The following AXIN2 variants were observed in gnomAD, a reference collection of about 807,000 sequenced individuals.
The protein encoded by AXIN2 is axin-2.
AXIN2 carries 21 observed loss-of-function variants against 74.7 expected under a neutral mutation model. The ratio of observed to expected loss-of-function variants is 0.28; its 90% confidence interval spans 0.20 to 0.40. The LOEUF is 0.40. Ranked by LOEUF, AXIN2 falls within the 10% of genes least tolerant of loss-of-function variation. The pLI, the probability that AXIN2 is intolerant of heterozygous loss-of-function variation, is 1.00. For synonymous variants in AXIN2, 532 were observed against 454.9 expected (o/e 1.17, Z -2.16); for missense variants, 1,144 against 1,111.1 (o/e 1.03, Z -0.42).
At position 65,537,376 on chromosome 17, in the gene AXIN2, TC is replaced by T. The variant is rs2144456730; in HGVS notation, c.1659del (p.Lys554AsnfsTer135). The T allele has an allele frequency of 6.2e-7, 1 of 1,614,052 alleles. No individual in the cohort carries two copies. The highest frequency in any genetic ancestry group is 8.5e-7 in the Non-Finnish European group (1 of 1,180,030). On this transcript the variant is annotated frameshift_variant, in exon 6 of 11. Transcript: ENST00000307078. LOFTEE classifies it high-confidence loss of function. The part of the protein sequence containing the change: ...CPGGSEYYCY[S>X]KCKSHSKAPE... ...GGAGCCTTGGAGTGGCTTTTGCATT[TC>T]GAGTAGCAGTAATACTCGCTGCCCC...
Position 65,536,210 on chromosome 17 carries a change from G to T in AXIN2, c.2141+110C>A, listed in dbSNP as rs1017723094. ...TCCATAAGTAATTCTTCTTCTCATG[G>T]GAGGGTTTGAGACCCAGGCAGAAAG... On this transcript the variant is annotated intron_variant, in intron 8 of 10. Coordinates refer to ENST00000307078, the MANE Select transcript of AXIN2 (RefSeq NM_004655.4). 3.6e-6 allele frequency: 4 copies of T among 1,102,912 alleles called. No homozygotes were observed. The African/African-American group carries it at 4.7e-5, about 13-fold the overall frequency. The allele number at this position is 1,102,912 out of a possible 1,614,324, so 68.3% of individuals were successfully genotyped here.
intron 4 of AXIN2, among the ~76,000 whole-genome samples, chr17:65,540,604 A>G (rs1421414221): frequency 4.6e-5 from 7 of 152,166 alleles, no homozygotes; most frequent in Admixed American, 2.6e-4. Context: ...ATGATCCCCA[A>G]TGGTGGAAGT....
intron 2 of AXIN2, among the ~76,000 whole-genome samples, chr17:65,553,113 C>G (rs73348109): frequency 2.0e-5 from 3 of 152,248 alleles, no homozygotes; most frequent in African/African-American, 7.2e-5. Context: ...TTATCATGAT[C>G]TATAATGACT....
At chr17:65,550,077 T>C (rs1193007981) in intron 2 of AXIN2, among the ~76,000 whole-genome samples, 13 of 152,178 alleles carry the variant, frequency 8.5e-5, no homozygotes, top group Non-Finnish European at 1.5e-4. Context: ...CACCAAAGAA[T>C]ACAATTTCAG....
chr17:65,540,394 G>A (rs1471329661), intron 4 of AXIN2, among the ~76,000 whole-genome samples: 2 of 152,194 alleles, frequency 1.3e-5, no homozygotes, highest in African/African-American at 4.8e-5. Context: ...TTCCATTCTA[G>A]TGGAAATACA....
rs539333765 is a variant in AXIN2, at chr17:65,529,712, A to G, written c.*264T>C. ...TTATGTATGGCAGTCTCTCAAATAC[A>G]GGCAGCATCTTCAATAGCCAAGAGT... On this transcript the variant is annotated 3_prime_UTR_variant, in exon 11 of 11. Coordinates refer to ENST00000307078, the MANE Select transcript of AXIN2 (RefSeq NM_004655.4). 1.2e-5 allele frequency: 6 copies of G among 515,850 alleles called. No homozygotes were observed. The highest frequency in any genetic ancestry group is 1.1e-4 in the African/African-American group (6 of 52,580). The allele number at this position is 515,850 out of a possible 1,614,324, so 32.0% of individuals were successfully genotyped here. A position where few individuals can be genotyped will look rare whatever the true frequency, so the allele number is the denominator to read the frequency against.
rs78028780 is a variant in AXIN2, at chr17:65,538,437, C to T, written c.1060-94G>A. On this transcript the variant is annotated intron_variant, in intron 4 of 10. Coordinates refer to ENST00000307078, the MANE Select transcript of AXIN2 (RefSeq NM_004655.4). ...GCTTCCCGCACCAGGCGCTGTGCAC[C>T]GCAAACCCATGTTCGGGTGTAGAGT... The T allele has an allele frequency of 6.7e-4, 1,037 of 1,537,254 alleles. 9 individuals are homozygous for T. In the African/African-American group the frequency reaches 0.011, roughly 17 times the overall value.
At chr17:65,546,180 G>A (rs530633295) in intron 3 of AXIN2, among the ~76,000 whole-genome samples, 1 of 151,960 alleles carries the variant, frequency 6.6e-6, no homozygotes, top group African/African-American at 2.4e-5. Context: ...GCTTTATGGG[G>A]CGCTCCTATT....
At chr17:65,531,548 C>G (rs1030089724) in intron 10 of AXIN2, among the ~76,000 whole-genome samples, 1 of 152,094 alleles carries the variant, frequency 6.6e-6, no homozygotes. Context: ...CACCCTCCGT[C>G]AGACCCCTTT....
At chr17:65,531,833 G>A (rs1202304991) in intron 10 of AXIN2, among the ~76,000 whole-genome samples, 2 of 152,280 alleles carry the variant, frequency 1.3e-5, no homozygotes, top group South Asian at 4.1e-4. Context: ...GGGACTGTTT[G>A]CTTTTTGAAC....
chr17:65,560,641 G>T (rs966936683), intron 1 of AXIN2: 29 of 152,002 alleles, frequency 1.9e-4, no homozygotes, highest in African/African-American at 6.3e-4. Context: ...CTGGGGAGGG[G>T]GCTCCGGCGC....
intron 2 of AXIN2, 107 bp downstream of exon 2, chr17:65,557,697 ACT>A (rs2044288396): frequency 8.4e-7 from 1 of 1,185,290 alleles, no homozygotes; most frequent in Non-Finnish European, 1.2e-6. Flanking sequence ...AGCAGTCCTA[ACT>A]CAACAGACCT....
chr17:65,537,772 G>T lies in AXIN2; in HGVS notation c.1264C>A (p.Pro422Thr), dbSNP rs878854718. 6.9e-6 allele frequency: 11 copies of T among 1,586,446 alleles called. No homozygotes were observed. The highest frequency in any genetic ancestry group is 1.3e-5 in the African/African-American group (1 of 74,350). ...NSREGAPTQHPLSLLPSGSYE... is the reference protein window; with the variant it reads ...NSREGAPTQHTLSLLPSGSYE... ...CTGCCGGAGGGCAGTAGGGAGAGGG[G>T]GTGCTGCGTGGGCGCCCCCTCCCGC... is the stretch of plus-strand genomic sequence containing the variant. The change falls in exon 6 of 11, where the codon CCC becomes ACC. Residue 422 changes from proline (P) to threonine (T), a missense_variant. Coordinates refer to ENST00000307078, the MANE Select transcript of AXIN2 (RefSeq NM_004655.4).
chr17:65,538,171 C>CGGAAGCA (rs763758748), intron 5 of AXIN2, 32 bp downstream of exon 5: 51 of 1,613,928 alleles, frequency 3.2e-5, no homozygotes, highest in Non-Finnish European at 4.3e-5. Flanking sequence ...ACGCCGTGGA[C>CGGAAGCA]GGAAGCAGGA....
At chr17:65,541,122 C>T (rs2044035190) in intron 4 of AXIN2, among the ~76,000 whole-genome samples, 1 of 152,146 alleles carries the variant, frequency 6.6e-6, no homozygotes, top group Non-Finnish European at 1.5e-5. Flanking sequence ...AGGTGATCTG[C>T]CCACCTCCGA....
In AXIN2 at chr17:65,536,421, G is replaced by C. The variant is rs900176493; in HGVS notation, c.2040C>G (p.Thr680=). 6.2e-7 allele frequency: 1 copy of C among 1,613,832 alleles called. No individual in the cohort carries two copies. Among genetic ancestry groups the C allele is most frequent in the East Asian group, 2.2e-5 (1 of 44,880 alleles). Residue 680 remains threonine (T), a synonymous_variant, in exon 8 of 11, where the codon ACC becomes ACG. Coordinates refer to ENST00000307078, the MANE Select transcript of AXIN2 (RefSeq NM_004655.4). ...PRTTPRAHLF[T]QDPAMPPLTP... is the part of the protein sequence containing the mutation. ...TCAGGGGAGGCATCGCAGGGTCCTGGGTGAACAGGTGGGCACGGGGGGTGG... is the reference window on the plus strand; with the variant it reads ...TCAGGGGAGGCATCGCAGGGTCCTGCGTGAACAGGTGGGCACGGGGGGTGG...
At position 65,541,430 on chromosome 17, in the gene AXIN2, T is replaced by A. The variant is rs755992499; in HGVS notation, c.1059+25A>T. ...GACTCAACATGGCAGAAAACAGCTG[T>A]CTCCTCACTCCAGACTGTACTCACC... On this transcript the variant is annotated intron_variant, in intron 4 of 10. Coordinates refer to ENST00000307078, the MANE Select transcript of AXIN2 (RefSeq NM_004655.4). 5 of 1,585,822 alleles carry A rather than the reference T, an allele frequency of 3.2e-6. No homozygotes were observed. In the African/African-American group the frequency reaches 6.7e-5, roughly 21 times the overall value.
intron 3 of AXIN2, among the ~76,000 whole-genome samples, chr17:65,543,483 G>A (rs1455091981): frequency 2.0e-5 from 3 of 152,148 alleles, no homozygotes; most frequent in South Asian, 2.1e-4. Flanking sequence ...CATAGATACC[G>A]AGTCCCTACT....
Position 65,557,979 on chromosome 17 carries a change from TCCC to T in AXIN2, c.639_641del (p.Gly214del), listed in dbSNP as rs2044296320. 6.2e-7 allele frequency: 1 copy of T among 1,614,100 alleles called. No individual in the cohort carries two copies. The highest frequency in any genetic ancestry group is 8.5e-7 in the Non-Finnish European group (1 of 1,180,024). Reference sequence around the variant, plus strand: ...CACACACGACCTTTAGGCTCCCGAGTCCCCCATTACTCATGTAAGCTGTGTTTT... The same window carrying T: ...CACACACGACCTTTAGGCTCCCGAGTCCATTACTCATGTAAGCTGTGTTTT... On this transcript the variant is annotated inframe_deletion, in exon 2 of 11. Transcript: ENST00000307078.
Sources: allele counts gnomAD v4.1 joint callset (sites outside exome capture counted in the v4.1 genomes callset), GRCh38; gene constraint gnomAD v4.1.1; transcripts MANE v1.5; gene names NCBI Gene and HGNC (gene_info 2026-07-23, HGNC 2026-07-21).